NRXN1: variants seen among roughly 807,000 people sequenced by gnomAD.
NRXN1 encodes neurexin 1, also known as neurexin-1.
NRXN1 carries 39 observed loss-of-function variants against 150.9 expected under a neutral mutation model. That is an observed-to-expected ratio of 0.26 (90% confidence interval 0.20 to 0.34). NRXN1 has a LOEUF of 0.34. Ranked by LOEUF, NRXN1 falls within the 10% of genes least tolerant of loss-of-function variation. NRXN1 has a pLI of 1.00. For synonymous variants in NRXN1, 924 were observed against 757.0 expected, an observed-to-expected ratio of 1.22 and a Z score of -3.62; for missense variants, 1,815 against 1,949.9, an observed-to-expected ratio of 0.93 and a Z score of 1.30.
intron 5 of NRXN1, chr2:50,656,232 C>T (rs1573989364): frequency 1.8e-6 from 1 of 570,134 alleles, no homozygotes; most frequent in East Asian, 2.9e-5. Flanking sequence ...CTTTTTTAAA[C>T]TTAAAGTCTA....
Position 50,345,789 on chromosome 2 carries a change from T to G in NRXN1, c.3365-108819A>C, listed in dbSNP as rs546900053. ...AATAGTTTCCCTTAGCTCTAACTTCTTCTCCAGGCAGACCTCCGGGCTTAG... is the reference window on the plus strand; with the variant it reads ...AATAGTTTCCCTTAGCTCTAACTTCGTCTCCAGGCAGACCTCCGGGCTTAG... On this transcript the variant is annotated intron_variant, in intron 17 of 22. Transcript: ENST00000401669. Among the ~76,000 whole-genome samples the G allele has an allele frequency of 2.0e-5, 3 of 152,306 alleles. No individual in the cohort carries two copies. The East Asian group carries it at 5.8e-4, about 29-fold the overall frequency.
intron 8 of NRXN1, among the ~76,000 whole-genome samples, chr2:50,556,519 T>G (rs1370115876): frequency 1.3e-5 from 2 of 151,932 alleles, no homozygotes; most frequent in South Asian, 2.1e-4. Context: ...TTTTTTTTTT[T>G]TAAAGAGTGA....
intron 17 of NRXN1, among the ~76,000 whole-genome samples, chr2:50,278,900 A>G (rs77746218): frequency 0.022 from 3,376 of 152,294 alleles, 117 homozygotes; most frequent in African/African-American, 0.077. Flanking sequence ...CTAGAAGTAG[A>G]GATTTAATTA....
chr2:50,368,341 A>G (rs1188115758), intron 17 of NRXN1, among the ~76,000 whole-genome samples: 1 of 152,014 alleles, frequency 6.6e-6, no homozygotes, highest in Non-Finnish European at 1.5e-5. Context: ...AAAATCCTGT[A>G]TGAAGAATTG....
chr2:50,962,146 A>G (rs1377049668), intron 2 of NRXN1, among the ~76,000 whole-genome samples: 1 of 151,766 alleles, frequency 6.6e-6, no homozygotes, highest in Non-Finnish European at 1.5e-5. Context: ...TTGTATTGAG[A>G]GTTTCCCATA....
At chr2:50,248,481 A>T (rs1373329010) in intron 17 of NRXN1, among the ~76,000 whole-genome samples, 1 of 152,142 alleles carries the variant, frequency 6.6e-6, no homozygotes. Flanking sequence ...TACCTAATAA[A>T]TTTGCTTAAC....
intron 5 of NRXN1, among the ~76,000 whole-genome samples, chr2:50,628,443 G>T (rs1681588121): frequency 6.6e-6 from 1 of 151,646 alleles, no homozygotes; most frequent in Non-Finnish European, 1.5e-5. Flanking sequence ...ATAAATCTAA[G>T]CAGGGAAAAT....
intron 5 of NRXN1, among the ~76,000 whole-genome samples, chr2:50,850,886 A>C (rs1332019109): frequency 1.3e-5 from 2 of 152,178 alleles, no homozygotes; most frequent in African/African-American, 2.4e-5. Context: ...TTCTAAAATA[A>C]GGCCCTTAGA....
At chr2:50,572,368 T>C (rs1558955269) in intron 8 of NRXN1, among the ~76,000 whole-genome samples, 2 of 152,258 alleles carry the variant, frequency 1.3e-5, no homozygotes, top group South Asian at 2.1e-4. Flanking sequence ...ATAATTATAC[T>C]GTTTTGTTTT....
chr2:49,945,813 G>C (rs1672795624), intron 21 of NRXN1, among the ~76,000 whole-genome samples: 1 of 152,080 alleles, frequency 6.6e-6, no homozygotes, highest in Non-Finnish European at 1.5e-5. Context: ...TTGGTTCCAA[G>C]TCTTTGCTAT....
intron 21 of NRXN1, among the ~76,000 whole-genome samples, chr2:49,964,234 T>G (rs532016399): frequency 1.3e-5 from 2 of 152,222 alleles, no homozygotes; most frequent in African/African-American, 4.8e-5. Flanking sequence ...AGGTAAATAG[T>G]TTCTGTTTAG....
chr2:50,580,845 C>T (rs984275054), intron 8 of NRXN1, among the ~76,000 whole-genome samples: 2 of 152,106 alleles, frequency 1.3e-5, no homozygotes, highest in Non-Finnish European at 2.9e-5. Flanking sequence ...TAGAACACTA[C>T]TGGGTCTAAA....
intron 5 of NRXN1, among the ~76,000 whole-genome samples, chr2:50,788,279 G>A (rs1705423291): frequency 1.3e-5 from 2 of 151,826 alleles, no homozygotes; most frequent in Non-Finnish European, 1.5e-5. Context: ...TAGTAGAGAT[G>A]GGGTTTCACC....
intron 17 of NRXN1, among the ~76,000 whole-genome samples, chr2:50,410,789 A>T (rs1238291978): frequency 2.0e-5 from 3 of 152,236 alleles, no homozygotes. Context: ...AGCTGCTGAG[A>T]TGTGCCTCAC....
intron 18 of NRXN1, among the ~76,000 whole-genome samples, chr2:50,113,100 C>T (rs894776634): frequency 6.6e-6 from 1 of 152,168 alleles, no homozygotes; most frequent in Non-Finnish European, 1.5e-5. Flanking sequence ...TTGATTCCTG[C>T]TCAGTGACGA....
intron 17 of NRXN1, among the ~76,000 whole-genome samples, chr2:50,289,562 G>C (rs947638427): frequency 6.6e-5 from 10 of 152,040 alleles, no homozygotes; most frequent in African/African-American, 2.4e-4. Flanking sequence ...GTATTATTTG[G>C]CTTCTTTCCT....
chr2:50,387,491 T>G (rs1476795396), intron 17 of NRXN1, among the ~76,000 whole-genome samples: 1 of 152,196 alleles, frequency 6.6e-6, no homozygotes, highest in African/African-American at 2.4e-5. Flanking sequence ...TTATGTCTCC[T>G]TAACAACACG....
chr2:50,992,852 G>T (rs775140783), intron 2 of NRXN1, among the ~76,000 whole-genome samples: 2 of 151,776 alleles, frequency 1.3e-5, no homozygotes, highest in Non-Finnish European at 2.9e-5. Flanking sequence ...GAGACTGATG[G>T]GTCAATATAA....
intron 17 of NRXN1, among the ~76,000 whole-genome samples, chr2:50,409,867 A>C (rs1265781522): frequency 6.6e-6 from 1 of 152,170 alleles, no homozygotes; most frequent in Non-Finnish European, 1.5e-5. Flanking sequence ...TTTGTAACTG[A>C]TTTTATTATA....
Sources: gnomAD v4.1 joint callset for allele counts (sites outside exome capture counted in the v4.1 genomes callset) on GRCh38, gnomAD v4.1.1 for gene constraint, MANE v1.5 for transcripts, NCBI Gene and HGNC (gene_info 2026-07-23, HGNC 2026-07-21) for gene names.